IFT43: variants seen among roughly 807,000 people sequenced by gnomAD.
The protein encoded by IFT43 is intraflagellar transport protein 43 homolog.
Under a neutral mutation model 32.3 loss-of-function variants are expected in IFT43, and 33 were observed. The observed-to-expected ratio is 1.02, with a 90% CI of 0.77 to 1.37. The LOEUF (loss-of-function observed/expected upper bound fraction) is 1.37. IFT43 is among the 40% of genes most tolerant of loss of function. IFT43 has a pLI of 0.00. For missense variants in IFT43, 274 were observed against 265.9 expected (o/e 1.03, Z -0.21); for synonymous variants, 93 against 98.2 (o/e 0.95, Z 0.31).
chr14:76,059,338 G>C lies in IFT43; in HGVS notation c.260G>C (p.Arg87Thr). ...ASEEIEDFRL[R>T]PQSLNGSDYG... ...TTTTTTGGGGGCAGTTTCCGCCTCAGACCACAGAGCCTGAATGGATCAGAT... is the reference window on the plus strand; with the variant it reads ...TTTTTTGGGGGCAGTTTCCGCCTCACACCACAGAGCCTGAATGGATCAGAT... Residue 87 changes from arginine (R) to threonine (T), a missense_variant, in exon 5 of 9, where the codon AGA (arginine) becomes ACA (threonine). By Grantham distance (71) the Arg-to-Thr change is moderately conservative. Transcript: ENST00000314067. 1.2e-6 allele frequency: 2 copies of C among 1,614,046 alleles called. No individual in the cohort carries two copies. Among genetic ancestry groups the C allele is most frequent in the Non-Finnish European group, 1.7e-6 (2 of 1,179,946 alleles).
intron 1 of IFT43, chr14:75,986,188 G>A (rs1441751871): frequency 7.6e-7 from 1 of 1,321,384 alleles, no homozygotes; most frequent in Admixed American, 2.3e-5. Flanking sequence ...GCCCCGGCCG[G>A]GGTCGCACTC....
At chr14:76,081,600 AG>A (rs754928325) in intron 5 of IFT43, among the ~76,000 whole-genome samples, 1 of 152,242 alleles carries the variant, frequency 6.6e-6, no homozygotes, top group Non-Finnish European at 1.5e-5. Flanking sequence ...GACTGGTGGA[AG>A]AAATGGCCTC....
intron 3 of IFT43, among the ~76,000 whole-genome samples, chr14:76,041,020 C>G (rs1036064711): frequency 1.8e-4 from 27 of 152,226 alleles, no homozygotes; most frequent in African/African-American, 5.8e-4. Flanking sequence ...GCAGGGAAGG[C>G]TGTCAAAAGA....
chr14:76,014,909 T>C (rs1323432153), intron 2 of IFT43, among the ~76,000 whole-genome samples: 1 of 152,198 alleles, frequency 6.6e-6, no homozygotes, highest in East Asian at 1.9e-4. Context: ...TGACGCCTAC[T>C]TCTCACTTCC....
chr14:76,074,730 T>G (rs1309981623), intron 5 of IFT43, among the ~76,000 whole-genome samples: 1 of 152,208 alleles, frequency 6.6e-6, no homozygotes, highest in Non-Finnish European at 1.5e-5. Context: ...GGTAACATAA[T>G]GAGGTCCAGC....
At chr14:76,081,372 G>A (rs893452615) in intron 5 of IFT43, among the ~76,000 whole-genome samples, 5 of 152,158 alleles carry the variant, frequency 3.3e-5, no homozygotes. Context: ...CACCCCACCA[G>A]GCCTTTTTTC....
chr14:75,998,981 C>T (rs2035799047), intron 2 of IFT43, among the ~76,000 whole-genome samples: 1 of 151,952 alleles, frequency 6.6e-6, no homozygotes, highest in African/African-American at 2.4e-5. Context: ...GCAGTCCTCC[C>T]ACCTTGGCCT....
chr14:76,003,089 T>A (rs2035920347), intron 2 of IFT43, among the ~76,000 whole-genome samples: 1 of 152,230 alleles, frequency 6.6e-6, no homozygotes, highest in African/African-American at 2.4e-5. Flanking sequence ...TAAATAATGA[T>A]ACTTTACAGG....
intron 2 of IFT43, among the ~76,000 whole-genome samples, chr14:75,999,801 G>C (rs760911069): frequency 6.6e-6 from 1 of 152,212 alleles, no homozygotes; most frequent in Non-Finnish European, 1.5e-5. Context: ...TTTAGGGCAC[G>C]GTAAAACCAT....
chr14:76,057,682 T>G (rs2037045634), intron 3 of IFT43, among the ~76,000 whole-genome samples: 1 of 152,176 alleles, frequency 6.6e-6, no homozygotes, highest in Non-Finnish European at 1.5e-5. Context: ...CCTGTCAAGG[T>G]CTACATCCTG....
At chr14:76,059,062 C>T in intron 4 of IFT43, 1 of 1,426,916 alleles carries the variant, frequency 7.0e-7, no homozygotes, top group Non-Finnish European at 9.1e-7. Flanking sequence ...GGTAGGGCCA[C>T]CCAGTTTCCT....
chr14:76,001,270 T>G (rs2035880019), intron 2 of IFT43, among the ~76,000 whole-genome samples: 1 of 152,234 alleles, frequency 6.6e-6, no homozygotes, highest in Non-Finnish European at 1.5e-5. Flanking sequence ...AAATCAGGTA[T>G]AAAAGCAAAT....
rs1340938691 is a variant in IFT43 at position 76,058,622 on chromosome 14, C to G, written c.216-20C>G. ...ACTAGTGGGCTCTCAAAAACCTTGTCTTTTCTTTTTTTTTTTCAGGTTTAG... is the reference window on the plus strand; with the variant it reads ...ACTAGTGGGCTCTCAAAAACCTTGTGTTTTCTTTTTTTTTTTCAGGTTTAG... On this transcript the variant is annotated intron_variant, in intron 3 of 8. Transcript: ENST00000314067. The G allele has an allele frequency of 1.9e-6, 3 of 1,591,390 alleles. No homozygotes were observed. The highest frequency in any genetic ancestry group is 2.6e-6 in the Non-Finnish European group (3 of 1,171,900).
chr14:76,053,701 CA>C (rs1317843869), intron 3 of IFT43, among the ~76,000 whole-genome samples: 4 of 152,150 alleles, frequency 2.6e-5, no homozygotes, highest in African/African-American at 9.7e-5. Flanking sequence ...GCAAAATGGC[CA>C]AAGCAATCAG....
At chr14:76,009,897 C>T (rs566984609) in intron 2 of IFT43, among the ~76,000 whole-genome samples, 52 of 152,126 alleles carry the variant, frequency 3.4e-4, no homozygotes, top group African/African-American at 1.3e-3. Flanking sequence ...TGGGTTCCAG[C>T]GATTCTCATG....
At chr14:76,058,972 A>G (rs1057295) in intron 4 of IFT43, 1 of 1,434,640 alleles carries the variant, frequency 7.0e-7, no homozygotes. Context: ...GGGCAGAAGC[A>G]ATACCAGCTT....
intron 3 of IFT43, among the ~76,000 whole-genome samples, chr14:76,045,429 G>T (rs938866757): frequency 9.2e-5 from 14 of 152,206 alleles, no homozygotes; most frequent in Admixed American, 8.5e-4. Context: ...TTCCTGACTA[G>T]AATGAGTTCT....
chr14:76,045,562 C>T (rs1004331147), intron 3 of IFT43, among the ~76,000 whole-genome samples: 9 of 152,108 alleles, frequency 5.9e-5, no homozygotes. Context: ...CTTAGCAGCC[C>T]GGGGCTGTAG....
chr14:76,032,873 G>A (rs866768909), intron 3 of IFT43, among the ~76,000 whole-genome samples: 5 of 152,162 alleles, frequency 3.3e-5, no homozygotes, highest in African/African-American at 7.2e-5. Flanking sequence ...TTGGATGTGC[G>A]GCAGAGGGAG....
Sources: gnomAD v4.1 joint callset for allele counts (sites outside exome capture counted in the v4.1 genomes callset) on GRCh38, gnomAD v4.1.1 for gene constraint, MANE v1.5 for transcripts, NCBI Gene and HGNC (gene_info 2026-07-23, HGNC 2026-07-21) for gene names.